The following OXSR1 variants were observed in gnomAD, a reference collection of about 807,000 sequenced individuals.
OXSR1 encodes the protein serine/threonine-protein kinase OSR1.
In OXSR1, 24 loss-of-function variants were observed where a neutral mutation model predicts 79.8. The observed-to-expected ratio is 0.30, with a 90% CI of 0.22 to 0.42. The LOEUF is 0.42. Ranked by LOEUF, OXSR1 falls within the 10% of genes least tolerant of loss-of-function variation. The pLI, the probability that OXSR1 is intolerant of heterozygous loss-of-function variation, is 1.00. For missense variants in OXSR1, 430 were observed against 618.4 expected (o/e 0.70, Z 3.23); for synonymous variants, 226 against 209.2 (o/e 1.08, Z -0.69).
chr3:38,239,178 T>G (rs1368031395), intron 11 of OXSR1, among the ~76,000 whole-genome samples: 1 of 152,216 alleles, frequency 6.6e-6, no homozygotes, highest in African/African-American at 2.4e-5. Flanking sequence ...CTATGATAAC[T>G]ATTTTAACAT....
chr3:38,227,545 CCACACACA>C lies in OXSR1; in HGVS notation c.837-2107_837-2100del, dbSNP rs58097834. Among the ~76,000 whole-genome samples the C allele has an allele frequency of 9.6e-3, 1,329 of 138,416 alleles. 23 individuals carry two copies. Among genetic ancestry groups the C allele is most frequent in the African/African-American group, 0.031 (1,166 of 37,948 alleles). 90.8% of individuals were successfully genotyped at this position (138,416 alleles called of 152,430 possible). A position where few individuals can be genotyped will look rare whatever the true frequency, so the allele number is the denominator to read the frequency against. ...TCAGTATGTTTGTGTGTATGCACATCCACACACACACACACACACACACACACACACAC... is the reference window on the plus strand; with the variant it reads ...TCAGTATGTTTGTGTGTATGCACATCCACACACACACACACACACACACAC... On this transcript the variant is annotated intron_variant, in intron 8 of 17. Coordinates refer to ENST00000311806, the MANE Select transcript of OXSR1 (RefSeq NM_005109.3).
chr3:38,191,183 C>CT (rs1390934182), intron 3 of OXSR1, among the ~76,000 whole-genome samples: 1 of 152,092 alleles, frequency 6.6e-6, no homozygotes, highest in Non-Finnish European at 1.5e-5. Flanking sequence ...GTAGCTGAGA[C>CT]TACAGGCATG....
At chr3:38,204,574 C>G (rs1702230739) in intron 4 of OXSR1, among the ~76,000 whole-genome samples, 1 of 151,848 alleles carries the variant, frequency 6.6e-6, no homozygotes, top group Admixed American at 6.6e-5. Context: ...AGAACTAGGT[C>G]CTTTTCTTTA....
At chr3:38,215,955 A>C in intron 4 of OXSR1, 141 bp from the exon 5 acceptor site, 1 of 622,198 alleles carries the variant, frequency 1.6e-6, no homozygotes, top group East Asian at 2.9e-5. Flanking sequence ...CAATTTTACT[A>C]TTAGTCTTAA....
chr3:38,198,639 C>A, intron 3 of OXSR1, 83 bp from the exon 4 acceptor site: 1 of 998,196 alleles, frequency 1.0e-6, no homozygotes, highest in Non-Finnish European at 1.5e-6. Context: ...TGAGAAGGTT[C>A]ACATGTGTTT....
At chr3:38,174,739 T>A (rs1701647969) in intron 1 of OXSR1, among the ~76,000 whole-genome samples, 1 of 152,074 alleles carries the variant, frequency 6.6e-6, no homozygotes, top group African/African-American at 2.4e-5. Flanking sequence ...TTAGGAGGAT[T>A]TGCTGTTGGA....
rs765195729 is a variant in OXSR1 at position 38,252,373 on chromosome 3, G to A, written c.1490G>A (p.Arg497Gln). The A allele has an allele frequency of 1.4e-5, 22 of 1,611,160 alleles. No individual in the cohort carries two copies. The South Asian group carries it at 1.8e-4, about 13-fold the overall frequency. Residue 497 changes from arginine (R) to glutamine (Q), a missense_variant, in exon 17 of 18, where the codon CGA becomes CAA. Arg to Gln is a conservative substitution (Grantham distance 43, BLOSUM62 1). Around this residue, in one of 3 missense-constraint regions of OXSR1, gnomAD observed 276 missense variants for 354.2 expected, o/e 0.78. Coordinates refer to ENST00000311806, the MANE Select transcript of OXSR1 (RefSeq NM_005109.3). Reference protein sequence around the residue: ...QKIVEEPQSNRSVTFKLASGV... With the variant: ...QKIVEEPQSNQSVTFKLASGV... ...ATTGTGGAAGAACCTCAGTCAAATC[G>A]ATCTGTCACTTTCAAACTGGTACTC...
chr3:38,191,418 G>A (rs991125724), intron 3 of OXSR1, among the ~76,000 whole-genome samples: 3 of 151,680 alleles, frequency 2.0e-5, no homozygotes, highest in Non-Finnish European at 1.5e-5. Flanking sequence ...CTTCCATGAT[G>A]TAAACTTACT....
chr3:38,171,894 T>G (rs1038237019), intron 1 of OXSR1, among the ~76,000 whole-genome samples: 17 of 152,244 alleles, frequency 1.1e-4, no homozygotes, highest in Non-Finnish European at 2.1e-4. Flanking sequence ...GGGGTTAGAC[T>G]GACCCAGATT....
intron 4 of OXSR1, among the ~76,000 whole-genome samples, chr3:38,203,296 C>T (rs1392943208): frequency 6.6e-6 from 1 of 152,180 alleles, no homozygotes; most frequent in African/African-American, 2.4e-5. Flanking sequence ...ACCCTCCTTA[C>T]CCTGCCCCCC....
chr3:38,237,011 G>T (rs1233166993), intron 11 of OXSR1, 50 bp downstream of exon 11: 3 of 1,547,892 alleles, frequency 1.9e-6, no homozygotes, highest in Middle Eastern at 1.8e-4. Context: ...TGTAGTTCTT[G>T]TTCAGCTTAA....
chr3:38,207,829 C>T (rs1021559421), intron 4 of OXSR1, among the ~76,000 whole-genome samples: 7 of 151,874 alleles, frequency 4.6e-5, no homozygotes, highest in African/African-American at 1.2e-4. Flanking sequence ...ATGGTCATGT[C>T]CCCAGTAAAA....
chr3:38,206,953 A>G (rs1429754816), intron 4 of OXSR1, among the ~76,000 whole-genome samples: 2 of 152,236 alleles, frequency 1.3e-5, no homozygotes, highest in Admixed American at 1.3e-4. Context: ...TCTATCTCAT[A>G]AAGTAGTTGT....
At chr3:38,197,588 C>T (rs1702091669) in intron 3 of OXSR1, among the ~76,000 whole-genome samples, 1 of 152,124 alleles carries the variant, frequency 6.6e-6, no homozygotes, top group South Asian at 2.1e-4. Flanking sequence ...ATATTGTTGC[C>T]ATCTCTCTTC....
intron 5 of OXSR1, among the ~76,000 whole-genome samples, chr3:38,218,115 T>C (rs1476035560): frequency 1.3e-5 from 2 of 152,196 alleles, no homozygotes; most frequent in African/African-American, 4.8e-5. Context: ...CTTTCATTTC[T>C]TTTGGGTATA....
intron 4 of OXSR1, among the ~76,000 whole-genome samples, chr3:38,215,407 G>C (rs1302997771): frequency 1.3e-5 from 2 of 151,874 alleles, no homozygotes; most frequent in Non-Finnish European, 2.9e-5. Flanking sequence ...TAGGATTTGG[G>C]GATTTTAAAT....
At chr3:38,252,297 T>G in intron 16 of OXSR1, 31 bp from the exon 17 acceptor site, 1 of 1,491,954 alleles carries the variant, frequency 6.7e-7, no homozygotes, top group South Asian at 1.1e-5. Context: ...TAACTTCTCA[T>G]TCATTACCTT....
chr3:38,205,795 A>T (rs991079232), intron 4 of OXSR1, among the ~76,000 whole-genome samples: 3 of 152,222 alleles, frequency 2.0e-5, no homozygotes, highest in African/African-American at 7.2e-5. Context: ...GGCTAGTCCC[A>T]GAGCAGAACC....
At position 38,245,993 on chromosome 3, in the gene OXSR1, C is replaced by T. The variant is rs1255784338; in HGVS notation, c.1111-82C>T. 4 of 1,256,058 alleles carry T rather than the reference C, an allele frequency of 3.2e-6. No homozygotes were observed. The African/African-American group carries it at 4.4e-5, about 14-fold the overall frequency. The allele number at this position is 1,256,058 out of a possible 1,614,324, so 77.8% of individuals were successfully genotyped here. A position where few individuals can be genotyped will look rare whatever the true frequency, so the allele number is the denominator to read the frequency against. On this transcript the variant is annotated intron_variant, in intron 12 of 17. Coordinates refer to ENST00000311806, the MANE Select transcript of OXSR1 (RefSeq NM_005109.3). ...CCAAAAACTACTTTGAAAATATCAC[C>T]CTGAAAGGCTGAACTTGCTGTCAGC... is the stretch of plus-strand genomic sequence containing the variant.
Sources: gnomAD v4.1 joint callset for allele counts (sites outside exome capture counted in the v4.1 genomes callset) on GRCh38, gnomAD v4.1.1 for gene constraint, gnomAD v4.1.1 regional missense constraint, MANE v1.5 for transcripts, NCBI Gene and HGNC (gene_info 2026-07-23, HGNC 2026-07-21) for gene names.